Variants in USH1C observed in about 807,000 individuals in gnomAD.
USH1C encodes USH1 protein network component harmonin.
A neutral mutation model predicts 119.3 loss-of-function variants in USH1C; 90 were observed. The ratio of observed to expected loss-of-function variants is 0.75; its 90% CI spans 0.64 to 0.90. USH1C has a LOEUF of 0.90. Among genes scored for constraint, USH1C ranks in the 40% least tolerant of loss-of-function variants. USH1C has a pLI of 0.00. For synonymous variants in USH1C, 465 were observed against 443.3 expected (o/e 1.05, Z -0.62); for missense variants, 1,165 against 1,167.7 (o/e 1.00, Z 0.03).
chr11:17,512,688 C>A (rs923993543), intron 15 of USH1C, among the ~76,000 whole-genome samples: 2 of 152,124 alleles, frequency 1.3e-5, no homozygotes, highest in African/African-American at 2.4e-5. Context: ...AGATTTTACC[C>A]GCATGCTTAA....
At chr11:17,512,986 T>A (rs1849960403) in intron 15 of USH1C, among the ~76,000 whole-genome samples, 1 of 152,128 alleles carries the variant, frequency 6.6e-6, no homozygotes, top group Admixed American at 6.5e-5. Flanking sequence ...AAGAGAATGA[T>A]CATTTATGAA....
At position 17,522,881 on chromosome 11, in the gene USH1C, G is replaced by A. The variant is rs753755365; in HGVS notation, c.922C>T (p.Arg308Trp). The change falls in exon 12 of 27, where the codon CGG becomes TGG. Residue 308 changes from arginine to tryptophan, a missense_variant. Arg to Trp is a moderately radical substitution (Grantham distance 101, BLOSUM62 -3). Transcript: ENST00000005226. Reference sequence around the variant, plus strand: ...TCCTGCCGCTGCAGCTCACGCTGCCGCGCCTCTGCCAGCCGCTCCCGGTCT... The same window carrying A: ...TCCTGCCGCTGCAGCTCACGCTGCCACGCCTCTGCCAGCCGCTCCCGGTCT... ...MTDRERLAEA[R>W]QRELQRQELL... 5 of 1,611,252 alleles carry A rather than the reference G, an allele frequency of 3.1e-6. No homozygotes were observed. Among genetic ancestry groups the A allele is most frequent in the East Asian group, 2.2e-5 (1 of 44,780 alleles).
rs1348314975 is a variant in USH1C at position 17,509,641 on chromosome 11, G to T, written c.1728C>A (p.Val576=). Reference sequence around the variant, plus strand: ...ATAAGGGAAGGACAGGGGGCGCCGGGACCTTGTGGGGTGGGTTGGAGGGTG... The same window carrying T: ...ATAAGGGAAGGACAGGGGGCGCCGGTACCTTGTGGGGTGGGTTGGAGGGTG... ...HPPPSNPPHK[V]PAPPVLPLSG... Residue 576 remains valine, a synonymous_variant, in exon 18 of 27, where the codon GTC becomes GTA. Coordinates refer to ENST00000005226, the MANE Select transcript of USH1C (RefSeq NM_153676.4). The T allele has an allele frequency of 1.9e-6, 3 of 1,587,868 alleles. No homozygotes were observed. Among genetic ancestry groups the T allele is most frequent in the African/African-American group, 1.4e-5 (1 of 73,252 alleles).
chr11:17,494,099 A>G lies in USH1C; in HGVS notation c.*233T>C. ...CCAGAGGAAAGGAATGAGAGTCTGG[A>G]TCCTTGAGATCTTCTCCCAAATGGC... On this transcript the variant is annotated 3_prime_UTR_variant, in exon 27 of 27. Coordinates refer to ENST00000005226, the MANE Select transcript of USH1C (RefSeq NM_153676.4). The G allele has an allele frequency of 1.7e-6, 1 of 578,972 alleles. No homozygotes were observed. The highest frequency in any genetic ancestry group is 3.1e-6 in the Non-Finnish European group (1 of 321,744). 35.9% of individuals were successfully genotyped at this position (578,972 alleles called of 1,614,324 possible). A position where few individuals can be genotyped will look rare whatever the true frequency, so the allele number is the denominator to read the frequency against.
At chr11:17,543,416 A>AC (rs34343388) in intron 1 of USH1C, among the ~76,000 whole-genome samples, 69 of 151,300 alleles carry the variant, frequency 4.6e-4, no homozygotes, top group Admixed American at 2.2e-3. Context: ...GATACCACCC[A>AC]CCCCCCCCAA....
chr11:17,532,733 A>G (rs768265782), intron 2 of USH1C, among the ~76,000 whole-genome samples: 5 of 152,170 alleles, frequency 3.3e-5, no homozygotes, highest in Non-Finnish European at 7.4e-5. Context: ...GATGTAACTT[A>G]TATTAGAGTT....
At chr11:17,513,725 G>A (rs757528385) in intron 15 of USH1C, among the ~76,000 whole-genome samples, 12 of 152,238 alleles carry the variant, frequency 7.9e-5, no homozygotes, top group Non-Finnish European at 1.8e-4. Flanking sequence ...TTTCCCAAGA[G>A]GAGCCAGAAA....
chr11:17,504,602 G>T, intron 20 of USH1C, 45 bp downstream of exon 20: 1 of 1,605,034 alleles, frequency 6.2e-7, no homozygotes, highest in Non-Finnish European at 8.5e-7. Context: ...GGGAGGGACG[G>T]GGGTGGTGGG....
chr11:17,520,261 A>T (rs1270463635), intron 14 of USH1C, among the ~76,000 whole-genome samples: 1 of 152,110 alleles, frequency 6.6e-6, no homozygotes, highest in East Asian at 1.9e-4. Flanking sequence ...GGATGAAGAG[A>T]GGAGATGGTA....
intron 14 of USH1C, among the ~76,000 whole-genome samples, chr11:17,516,856 G>A (rs528891356): frequency 2.6e-5 from 4 of 152,194 alleles, no homozygotes; most frequent in African/African-American, 4.8e-5. Context: ...TCCAGCAGGA[G>A]CGGGCAGGAG....
Position 17,523,491 on chromosome 11 carries a change from T to C in USH1C, c.760-13A>G. On this transcript the variant is annotated splice_polypyrimidine_tract_variant and intron_variant, in intron 9 of 26. Coordinates refer to ENST00000005226, the MANE Select transcript of USH1C (RefSeq NM_153676.4). Reference sequence around the variant, plus strand: ...TCTGGTCCCCTATCTGGTGGGGAAATGGAGAAAGATTAGTGTGTTTGCGCT... The same window carrying C: ...TCTGGTCCCCTATCTGGTGGGGAAACGGAGAAAGATTAGTGTGTTTGCGCT... 6.2e-7 allele frequency: 1 copy of C among 1,613,826 alleles called. No homozygotes were observed.
intron 22 of USH1C, 63 bp from the exon 23 acceptor site, chr11:17,501,213 C>T: frequency 7.4e-7 from 1 of 1,351,518 alleles, no homozygotes; most frequent in Non-Finnish European, 1.0e-6. Flanking sequence ...CACCTGGGCA[C>T]CAAGGAGTCT....
intron 12 of USH1C, among the ~76,000 whole-genome samples, chr11:17,522,061 G>C (rs1414951645): frequency 6.6e-6 from 1 of 152,112 alleles, no homozygotes; most frequent in Non-Finnish European, 1.5e-5. Flanking sequence ...TCGAACTCCT[G>C]ACCTCAGATG....
At chr11:17,497,550 T>C (rs1449571456) in intron 24 of USH1C, among the ~76,000 whole-genome samples, 2 of 152,224 alleles carry the variant, frequency 1.3e-5, no homozygotes, top group African/African-American at 2.4e-5. Context: ...CATCCCTTCA[T>C]GTGGGTCCCA....
At chr11:17,519,609 A>C (rs1485447902) in intron 14 of USH1C, among the ~76,000 whole-genome samples, 1 of 152,186 alleles carries the variant, frequency 6.6e-6, no homozygotes, top group African/African-American at 2.4e-5. Flanking sequence ...CGTAAGAGCA[A>C]ATTAGCTGTC....
intron 1 of USH1C, among the ~76,000 whole-genome samples, chr11:17,538,104 C>T (rs1851302338): frequency 6.6e-6 from 1 of 152,176 alleles, no homozygotes; most frequent in East Asian, 1.9e-4. Flanking sequence ...TTCTTGGATC[C>T]CTCTTGATAT....
At chr11:17,520,678 CA>C (rs896211356) in intron 14 of USH1C, among the ~76,000 whole-genome samples, 191 bp downstream of exon 14, 2 of 152,144 alleles carry the variant, frequency 1.3e-5, no homozygotes, top group African/African-American at 4.8e-5. Context: ...GGCCCGTGAA[CA>C]AGGGGAGCAG....
intron 18 of USH1C, among the ~76,000 whole-genome samples, chr11:17,509,139 G>A (rs534145281): frequency 6.6e-6 from 1 of 152,260 alleles, no homozygotes; most frequent in South Asian, 2.1e-4. Context: ...AAAGGTCCCA[G>A]GCCATTCACC....
chr11:17,533,739 G>A (rs746226742), intron 1 of USH1C: 19 of 465,596 alleles, frequency 4.1e-5, no homozygotes, highest in Non-Finnish European at 7.3e-5. Flanking sequence ...CTGTAGTGCC[G>A]GATAAATGCT....
Sources: gnomAD v4.1 joint callset for allele counts (sites outside exome capture counted in the v4.1 genomes callset) on GRCh38, gnomAD v4.1.1 for gene constraint, MANE v1.5 for transcripts, NCBI Gene and HGNC (gene_info 2026-07-23, HGNC 2026-07-21) for gene names.